The following SCGN variants were observed in gnomAD, a reference collection of about 807,000 sequenced individuals.
SCGN encodes the protein secretagogin.
A neutral mutation model predicts 39.7 loss-of-function variants in SCGN; 30 were observed. The observed-to-expected ratio is 0.76, with a 90% CI of 0.57 to 1.03. The LOEUF (loss-of-function observed/expected upper bound fraction) is 1.03, where lower values mean the gene tolerates loss of function less well. SCGN is among the 50% of genes least tolerant of loss of function. SCGN has a pLI of 0.00. For missense variants in SCGN, 353 were observed against 349.4 expected (o/e 1.01, Z -0.08); for synonymous variants, 106 against 114.1 (o/e 0.93, Z 0.45).
intron 2 of SCGN, among the ~76,000 whole-genome samples, chr6:25,660,076 G>A (rs542543774): frequency 7.9e-5 from 12 of 152,338 alleles, no homozygotes; most frequent in Non-Finnish European, 1.8e-4. Context: ...CAGCAAGGAA[G>A]CCAGGGGCTA....
intron 2 of SCGN, among the ~76,000 whole-genome samples, chr6:25,654,385 A>G (rs1443475890): frequency 6.6e-6 from 1 of 152,200 alleles, no homozygotes; most frequent in South Asian, 2.1e-4. Context: ...TCAGCCACAC[A>G]GATCTCTTGG....
chr6:25,664,651 A>G (rs575318153), intron 3 of SCGN, among the ~76,000 whole-genome samples: 3 of 152,374 alleles, frequency 2.0e-5, no homozygotes, highest in African/African-American at 7.2e-5. Context: ...TCAAGCACTT[A>G]ACAAATTTAT....
At chr6:25,688,672 G>A (rs912099211) in intron 7 of SCGN, among the ~76,000 whole-genome samples, 1 of 152,122 alleles carries the variant, frequency 6.6e-6, no homozygotes, top group African/African-American at 2.4e-5. Context: ...ACTGGTGGCG[G>A]GCGCCTGTAG....
chr6:25,660,859 C>G (rs879323045), intron 2 of SCGN, among the ~76,000 whole-genome samples: 7 of 152,214 alleles, frequency 4.6e-5, no homozygotes, highest in Non-Finnish European at 1.0e-4. Context: ...TTCAGCAAGT[C>G]TAGAATCTTA....
At chr6:25,665,079 G>C (rs1229257897) in intron 4 of SCGN, 47 bp downstream of exon 4, 2 of 1,452,970 alleles carry the variant, frequency 1.4e-6, no homozygotes, top group East Asian at 2.3e-5. Flanking sequence ...CTGAGACAAG[G>C]CTACGATCTT....
At chr6:25,699,691 A>C (rs189357651) in intron 10 of SCGN, among the ~76,000 whole-genome samples, 32 of 152,240 alleles carry the variant, frequency 2.1e-4, no homozygotes, top group Admixed American at 5.2e-4. Context: ...TGGATTTTAC[A>C]AAGTCAGTGC....
chr6:25,653,360 AT>A, intron 1 of SCGN, 21 bp from the exon 2 acceptor site: 1 of 1,477,074 alleles, frequency 6.8e-7, no homozygotes, highest in Non-Finnish European at 9.4e-7. Flanking sequence ...AGTATTATTT[AT>A]GTTTATTTTC....
rs758577515 is a variant in SCGN at position 25,701,201 on chromosome 6, C to T, written c.703-6C>T. On this transcript the variant is annotated splice_polypyrimidine_tract_variant and splice_region_variant and intron_variant, in intron 10 of 10. Transcript: ENST00000377961. ...CCTGTTAACATGTTACTTTTGTCGC[C>T]CTCAGCCCAGCATCAGCGGGGTGGA... 1.2e-6 allele frequency: 2 copies of T among 1,607,930 alleles called. No individual in the cohort carries two copies. The highest frequency in any genetic ancestry group is 1.1e-5 in the South Asian group (1 of 89,602).
At chr6:25,699,622 GGGAAAA>G (rs1759883167) in intron 10 of SCGN, among the ~76,000 whole-genome samples, 1 of 150,726 alleles carries the variant, frequency 6.6e-6, no homozygotes, top group Non-Finnish European at 1.5e-5. Flanking sequence ...AAAAGAAAAT[GGGAAAA>G]TGGAGGACAC....
intron 2 of SCGN, among the ~76,000 whole-genome samples, chr6:25,654,150 A>G (rs1760184745): frequency 6.6e-6 from 1 of 152,240 alleles, no homozygotes; most frequent in Admixed American, 6.5e-5. Flanking sequence ...TAGGGCATTC[A>G]TAGTAGAAGG....
intron 10 of SCGN, among the ~76,000 whole-genome samples, chr6:25,696,567 A>C (rs1318933933): frequency 6.6e-6 from 1 of 152,162 alleles, no homozygotes; most frequent in Non-Finnish European, 1.5e-5. Flanking sequence ...CCTTGTGCAA[A>C]GATCTTTCTC....
chr6:25,697,683 AGAAGG>A (rs1759855220), intron 10 of SCGN, among the ~76,000 whole-genome samples: 1 of 152,248 alleles, frequency 6.6e-6, no homozygotes, highest in Non-Finnish European at 1.5e-5. Context: ...AATTGGGAAG[AGAAGG>A]CCAGCCCCAA....
chr6:25,686,029 G>C (rs554100068), intron 7 of SCGN, among the ~76,000 whole-genome samples: 1 of 152,092 alleles, frequency 6.6e-6, no homozygotes, highest in African/African-American at 2.4e-5. Context: ...TATTTCACTT[G>C]GAGTAATGTT....
chr6:25,652,582 G>A (rs1760153957), intron 1 of SCGN, 97 bp downstream of exon 1: 1 of 1,151,926 alleles, frequency 8.7e-7, no homozygotes, highest in Non-Finnish European at 1.3e-6. Context: ...TGTAGGAAAA[G>A]TTATCGACCT....
intron 2 of SCGN, among the ~76,000 whole-genome samples, chr6:25,654,060 C>G (rs910220958): frequency 6.6e-6 from 1 of 152,010 alleles, no homozygotes; most frequent in African/African-American, 2.4e-5. Flanking sequence ...GTCTCTCTAT[C>G]AAAGCAGAGA....
At chr6:25,657,822 G>A (rs78465047) in intron 2 of SCGN, among the ~76,000 whole-genome samples, 1,957 of 150,796 alleles carry the variant, frequency 0.013, 29 homozygotes, top group African/African-American at 0.034. Flanking sequence ...CATGAGTAAA[G>A]GAGGCTACTC....
chr6:25,696,346 AG>A (rs1759837456), intron 10 of SCGN, among the ~76,000 whole-genome samples: 1 of 152,120 alleles, frequency 6.6e-6, no homozygotes, highest in Non-Finnish European at 1.5e-5. Context: ...TTGAGGTTAT[AG>A]TGAATAATAG....
intron 6 of SCGN, among the ~76,000 whole-genome samples, chr6:25,677,797 C>G (rs1476420347): frequency 6.6e-6 from 1 of 152,164 alleles, no homozygotes; most frequent in Non-Finnish European, 1.5e-5. Flanking sequence ...TGTTTTTCAC[C>G]TTGGGCAGGC....
At chr6:25,682,701 C>G (rs6935832) in intron 7 of SCGN, among the ~76,000 whole-genome samples, 60,302 of 152,148 alleles carry the variant, frequency 0.4, 12,651 homozygotes, top group Non-Finnish European at 0.47. Context: ...ATAATACCAG[C>G]TGCTTCAGGG....
Sources: allele counts gnomAD v4.1 joint callset (sites outside exome capture counted in the v4.1 genomes callset), GRCh38; gene constraint gnomAD v4.1.1; transcripts MANE v1.5; gene names NCBI Gene and HGNC (gene_info 2026-07-23, HGNC 2026-07-21).